NACC1: variants seen among roughly 807,000 people sequenced by gnomAD.
NACC1 encodes the protein nucleus accumbens-associated protein 1.
NACC1 carries 6 observed loss-of-function variants against 41.7 expected under a neutral mutation model. That is an observed-to-expected ratio of 0.14 (90% CI 0.08 to 0.28). The LOEUF (loss-of-function observed/expected upper bound fraction) is 0.28. Ranked by LOEUF, NACC1 falls within the 10% of genes least tolerant of loss-of-function variation. NACC1 has a pLI of 1.00. For synonymous variants in NACC1, 338 were observed against 330.6 expected, an observed-to-expected ratio of 1.02 and a Z score of -0.24; for missense variants, 434 against 763.7, an observed-to-expected ratio of 0.57 and a Z score of 5.09.
At position 13,135,917 on chromosome 19, in the gene NACC1, C is replaced by T. The variant is rs201985022; in HGVS notation, c.710C>T (p.Ala237Val). Reference sequence around the variant, plus strand: ...GCAGCAGCCCAGCCCGCCGTGGCTGCGGGAGCAGGGCAGCCAGCCGGTGGG... The same window carrying T: ...GCAGCAGCCCAGCCCGCCGTGGCTGTGGGAGCAGGGCAGCCAGCCGGTGGG... ...VVAAAQPAVA[A>V]GAGQPAGGVA... Residue 237 changes from alanine to valine, a missense_variant, in exon 2 of 6, where the codon GCG becomes GTG. Ala to Val is a moderately conservative substitution (Grantham distance 64). Around this residue, in one of 4 missense-constraint regions of NACC1, gnomAD observed 234 missense variants for 308.3 expected, o/e 0.76. Coordinates refer to ENST00000292431, the MANE Select transcript of NACC1 (RefSeq NM_052876.4). 1.6e-3 allele frequency: 2,567 copies of T among 1,573,260 alleles called. 64 individuals carry two copies. In the East Asian group the frequency reaches 0.05, roughly 31 times the overall value.
At chr19:13,116,986 T>C (rs2019392916), upstream of NACC1, 1 of 157,208 alleles carries the variant, frequency 6.4e-6, no homozygotes, top group Non-Finnish European at 1.4e-5. Flanking sequence ...TTCTGGGTGC[T>C]ATATACACAT....
rs575216725 is a variant in NACC1 at position 13,123,712 on chromosome 19, G to T, written c.-9+5258G>T. ...CCAGCTCTGGGCTCGGCCGGTCCGG[G>T]GTTCCCGTCTGGTCTCTGCCTTGCT... On this transcript the variant is annotated intron_variant, in intron 1 of 5. Coordinates refer to ENST00000292431, the MANE Select transcript of NACC1 (RefSeq NM_052876.4). Among the ~76,000 whole-genome samples the T allele has an allele frequency of 5.9e-5, 9 of 152,296 alleles. No homozygotes were observed. In the South Asian group the frequency reaches 1.9e-3, roughly 32 times the overall value.
Position 13,118,320 on chromosome 19 carries a change from T to TGAGGCGGAGGCCGCGGAGGCCGCG in NACC1, c.-129_-106dup, listed in dbSNP as rs1257965018. 1.2e-4 allele frequency: 18 copies of TGAGGCGGAGGCCGCGGAGGCCGCG among 147,236 alleles called. No homozygotes were observed. Among genetic ancestry groups the TGAGGCGGAGGCCGCGGAGGCCGCG allele is most frequent in the Non-Finnish European group, 1.8e-4 (12 of 66,048 alleles). 9.1% of individuals were successfully genotyped at this position (147,236 alleles called of 1,614,324 possible). A position where few individuals can be genotyped will look rare whatever the true frequency, so the allele number is the denominator to read the frequency against. On this transcript the variant is annotated 5_prime_UTR_variant, in exon 1 of 6. Transcript: ENST00000292431. ...TGGCCGCCGCGGCTGCCGCTGCTGC[T>TGAGGCGGAGGCCGCGGAGGCCGCG]GAGGCGGAGGCCGCGGAGGCCGCGG...
chr19:13,120,003 G>C (rs1265129728), intron 1 of NACC1, among the ~76,000 whole-genome samples: 1 of 152,184 alleles, frequency 6.6e-6, no homozygotes, highest in African/African-American at 2.4e-5. Context: ...TCACTCAAGT[G>C]GCCTTCCAGG....
chr19:13,138,311 G>A lies in NACC1; in HGVS notation c.1489G>A (p.Gly497Ser). The change falls in exon 6 of 6, where the codon GGC becomes AGC. Residue 497 changes from glycine to serine, a missense_variant. By Grantham distance (56) the Gly-to-Ser change is moderately conservative. Transcript: ENST00000292431. The surrounding 1 kb of genome is among the most constrained non-coding windows in gnomAD (Gnocchi z 5.7). ...CTACACCACCTTCATCAGTGAAACG[G>A]GCAAGATCGAGCCGGACATGATGGG... Reference protein sequence around the residue: ...DAYTTFISETGKIEPDMMGVE... With the variant: ...DAYTTFISETSKIEPDMMGVE... The A allele has an allele frequency of 6.2e-7, 1 of 1,614,176 alleles. No homozygotes were observed. The highest frequency in any genetic ancestry group is 8.5e-7 in the Non-Finnish European group (1 of 1,180,030).
rs1366931916 is a variant in NACC1, at chr19:13,135,675, T to C, written c.468T>C (p.Cys156=). 1.3e-6 allele frequency: 2 copies of C among 1,555,670 alleles called. No individual in the cohort carries two copies. The highest frequency in any genetic ancestry group is 2.3e-5 in the South Asian group (2 of 85,346). ...CGCAGACATCGGGCTGGCCAGCCTG[T>C]AGCACCCCGCTGCCCCTCGTGTCGC... ...PVAQTSGWPA[C]STPLPLVSRV... is the part of the protein sequence containing the mutation. The change falls in exon 2 of 6, where the codon TGT becomes TGC. Residue 156 remains cysteine, a synonymous_variant. Coordinates refer to ENST00000292431, the MANE Select transcript of NACC1 (RefSeq NM_052876.4).
chr19:13,135,175 C>G (rs2019684196), intron 1 of NACC1, 25 bp from the exon 2 acceptor site: 19 of 1,541,170 alleles, frequency 1.2e-5, no homozygotes, highest in Non-Finnish European at 1.6e-5. Context: ...CTCTGTCTCT[C>G]CATTCCTCCC....
At chr19:13,123,291 C>T (rs903244774) in intron 1 of NACC1, among the ~76,000 whole-genome samples, 4 of 152,104 alleles carry the variant, frequency 2.6e-5, no homozygotes, top group Admixed American at 1.3e-4. Flanking sequence ...GATGTAACTC[C>T]GAAGGGTGGG....
At chr19:13,131,526 C>G (rs12982296) in intron 1 of NACC1, 1 of 152,282 alleles carries the variant, frequency 6.6e-6, no homozygotes, top group Non-Finnish European at 1.5e-5. Context: ...GCCTGTTTCT[C>G]CTGCCTCTTC....
Position 13,135,582 on chromosome 19 carries a change from C to A in NACC1, c.375C>A (p.Ser125=). Residue 125 remains serine (S), a synonymous_variant, in exon 2 of 6, where the codon TCC becomes TCA. Coordinates refer to ENST00000292431, the MANE Select transcript of NACC1 (RefSeq NM_052876.4). ...CCGAGTTCTTCCTCAAGGTGAGCTC[C>A]CCGAGCTGCGACTCCCAGGGCCTGC... The part of the protein sequence containing the change: ...KGTEFFLKVS[S]PSCDSQGLHA... 1 of 1,599,478 alleles carries A rather than the reference C, an allele frequency of 6.3e-7. No homozygotes were observed. Among genetic ancestry groups the A allele is most frequent in the East Asian group, 2.3e-5 (1 of 44,170 alleles).
Position 13,118,306 on chromosome 19 carries a change from G to C in NACC1, c.-157G>C, listed in dbSNP as rs1245088172. 1 of 147,698 alleles carries C rather than the reference G, an allele frequency of 6.8e-6. No individual in the cohort carries two copies. The highest frequency in any genetic ancestry group is 2.0e-4 in the East Asian group (1 of 5,122). 9.1% of individuals were successfully genotyped at this position (147,698 alleles called of 1,614,324 possible). ...TGGCCCACAATGAATGGCCGCCGCGGCTGCCGCTGCTGCTGAGGCGGAGGC... is the reference window on the plus strand; with the variant it reads ...TGGCCCACAATGAATGGCCGCCGCGCCTGCCGCTGCTGCTGAGGCGGAGGC... On this transcript the variant is annotated 5_prime_UTR_variant, in exon 1 of 6. Coordinates refer to ENST00000292431, the MANE Select transcript of NACC1 (RefSeq NM_052876.4).
At chr19:13,135,050 G>A in intron 1 of NACC1, 150 bp from the exon 2 acceptor site, 1 of 1,353,736 alleles carries the variant, frequency 7.4e-7, no homozygotes, top group Non-Finnish European at 9.7e-7. Context: ...AGAGGGCTCT[G>A]TGTGGTTTAG....
chr19:13,124,073 G>A (rs2024133), intron 1 of NACC1, among the ~76,000 whole-genome samples: 89,435 of 152,004 alleles, frequency 0.59, 27,405 homozygotes, highest in African/African-American at 0.74. Context: ...TTCAGGGAAA[G>A]AGATAACGAA....
rs2019709114 is a variant in NACC1, at chr19:13,136,483, T to G, written c.1120+78T>G. 6.7e-7 allele frequency: 1 copy of G among 1,487,822 alleles called. No homozygotes were observed. Among genetic ancestry groups the G allele is most frequent in the Non-Finnish European group, 9.0e-7 (1 of 1,111,254 alleles). The allele number at this position is 1,487,822 out of a possible 1,614,324, so 92.2% of individuals were successfully genotyped here. A position where few individuals can be genotyped will look rare whatever the true frequency, so the allele number is the denominator to read the frequency against. On this transcript the variant is annotated intron_variant, in intron 3 of 5. Coordinates refer to ENST00000292431, the MANE Select transcript of NACC1 (RefSeq NM_052876.4). This position sits in a 1 kb window ranked among gnomAD's most constrained non-coding sequence, Gnocchi z 5.5. ...GCCTGGGCTGGGCTGGGCAGCTGGTTAGGAGCCCCCAGCACCTCAGTTTCC... is the reference window on the plus strand; with the variant it reads ...GCCTGGGCTGGGCTGGGCAGCTGGTGAGGAGCCCCCAGCACCTCAGTTTCC...
chr19:13,127,009 A>G (rs2019570807), intron 1 of NACC1, among the ~76,000 whole-genome samples: 1 of 152,102 alleles, frequency 6.6e-6, no homozygotes, highest in Non-Finnish European at 1.5e-5. Context: ...CCAAGGCAGG[A>G]GGACCACTTG....
chr19:13,124,254 G>A (rs1021167174), intron 1 of NACC1, among the ~76,000 whole-genome samples: 7 of 151,962 alleles, frequency 4.6e-5, no homozygotes, highest in Admixed American at 3.9e-4. Flanking sequence ...ACAAAAATTA[G>A]CCAGGCATGG....
Position 13,136,411 on chromosome 19 carries a change from C to T in NACC1, c.1120+6C>T. The T allele has an allele frequency of 1.2e-6, 2 of 1,607,420 alleles. No homozygotes were observed. Among genetic ancestry groups the T allele is most frequent in the Non-Finnish European group, 1.7e-6 (2 of 1,176,714 alleles). On this transcript the variant is annotated splice_donor_region_variant and intron_variant, in intron 3 of 5. Coordinates refer to ENST00000292431, the MANE Select transcript of NACC1 (RefSeq NM_052876.4). This position sits in a 1 kb window ranked among gnomAD's most constrained non-coding sequence, Gnocchi z 5.5. ...GAAGCTGGAGCTGGTGACAGGTGGGCCGGTCTCGCCCCAGATCTCTCCCCT... is the reference window on the plus strand; with the variant it reads ...GAAGCTGGAGCTGGTGACAGGTGGGTCGGTCTCGCCCCAGATCTCTCCCCT...
chr19:13,130,915 C>G (rs2019627199), intron 1 of NACC1, among the ~76,000 whole-genome samples: 1 of 152,190 alleles, frequency 6.6e-6, no homozygotes, highest in Admixed American at 6.5e-5. Flanking sequence ...GCCAGGACCC[C>G]ACCTGTCCCA....
chr19:13,122,132 C>G (rs2019502978), intron 1 of NACC1, among the ~76,000 whole-genome samples: 1 of 152,134 alleles, frequency 6.6e-6, no homozygotes, highest in African/African-American at 2.4e-5. Flanking sequence ...GGTGACGTGT[C>G]TTAGGTTGTG....
Sources: gnomAD v4.1 joint callset for allele counts (sites outside exome capture counted in the v4.1 genomes callset) on GRCh38, gnomAD v4.1.1 for gene constraint, gnomAD v4.1.1 regional missense constraint, Gnocchi (gnomAD v3.1) non-coding constraint, MANE v1.5 for transcripts, NCBI Gene and HGNC (gene_info 2026-07-23, HGNC 2026-07-21) for gene names.